Variants in FAM83B observed in about 807,000 individuals in gnomAD.
FAM83B encodes protein FAM83B.
Under a neutral mutation model 38.8 loss-of-function variants are expected in FAM83B, and 26 were observed. The ratio of observed to expected loss-of-function variants is 0.67; its 90% CI spans 0.49 to 0.93. The LOEUF (loss-of-function observed/expected upper bound fraction) is 0.93, where lower values mean the gene tolerates loss of function less well. FAM83B is among the 40% of genes least tolerant of loss of function. The probability of loss-of-function intolerance (pLI) is 0.00; values close to 1 mark genes in which losing one functional copy is unlikely to be tolerated. For synonymous variants in FAM83B, 419 were observed against 423.1 expected (o/e 0.99, Z 0.12); for missense variants, 1,237 against 1,197.3 (o/e 1.03, Z -0.49).
Position 54,866,923 on chromosome 6 carries a change from G to T in FAM83B, c.-60-3264G>T, listed in dbSNP as rs778098805. ...TCCTTTGTATTTATAGAATTTCAGT[G>T]GAATTTCTACTTGATACAAATGACC... On this transcript the variant is annotated intron_variant, in intron 1 of 4. Transcript: ENST00000306858. 1.3e-3 allele frequency among the ~76,000 whole-genome samples: 193 copies of T among 151,970 alleles called. 2 individuals are homozygous for T. Among genetic ancestry groups the T allele is most frequent in the Middle Eastern group, 6.8e-3 (2 of 294 alleles).
intron 2 of FAM83B, among the ~76,000 whole-genome samples, chr6:54,879,195 A>G (rs1210361091): frequency 6.6e-6 from 1 of 152,204 alleles, no homozygotes; most frequent in African/African-American, 2.4e-5. Context: ...GTATCTCTAG[A>G]TGAGGGTTCA....
At chr6:54,916,905 T>C (rs1345871770) in intron 2 of FAM83B, among the ~76,000 whole-genome samples, 2 of 152,218 alleles carry the variant, frequency 1.3e-5, no homozygotes, top group Non-Finnish European at 2.9e-5. Context: ...CAGACCTTGC[T>C]CTCTGCTAAG....
intron 4 of FAM83B, among the ~76,000 whole-genome samples, chr6:54,936,643 T>C (rs559405841): frequency 5.9e-5 from 9 of 151,660 alleles, no homozygotes; most frequent in African/African-American, 2.2e-4. Flanking sequence ...ATGTTTTCTG[T>C]GTTCAACTAG....
At chr6:54,926,317 T>C (rs1773283834) in intron 2 of FAM83B, 54 bp from the exon 3 acceptor site, 2 of 1,255,058 alleles carry the variant, frequency 1.6e-6, no homozygotes, top group South Asian at 3.5e-5. Context: ...AGCAATTTCT[T>C]AAATCTTTCT....
chr6:54,878,031 A>G (rs1204845105), intron 2 of FAM83B, among the ~76,000 whole-genome samples: 2 of 152,218 alleles, frequency 1.3e-5, no homozygotes, highest in African/African-American at 4.8e-5. Context: ...AGGTGCTAGT[A>G]CCCAGAATGT....
At chr6:54,933,392 GT>G (rs930616986) in intron 4 of FAM83B, among the ~76,000 whole-genome samples, 6 of 151,030 alleles carry the variant, frequency 4.0e-5, no homozygotes, top group African/African-American at 1.2e-4. Context: ...TGTTGTTGAT[GT>G]TTTTTTTGTT....
chr6:54,875,764 G>A (rs1032673451), intron 2 of FAM83B, among the ~76,000 whole-genome samples: 1 of 145,326 alleles, frequency 6.9e-6, no homozygotes, highest in Non-Finnish European at 1.6e-5. Flanking sequence ...AGAAAAGAAG[G>A]TGGGAAAGAG....
chr6:54,889,714 G>A (rs1772358402), intron 2 of FAM83B, among the ~76,000 whole-genome samples: 1 of 151,942 alleles, frequency 6.6e-6, no homozygotes, highest in South Asian at 2.1e-4. Context: ...CAGAATCATG[G>A]ACAGAGTGCT....
intron 4 of FAM83B, among the ~76,000 whole-genome samples, chr6:54,932,957 G>A (rs1561929749): frequency 1.3e-5 from 2 of 152,068 alleles, no homozygotes; most frequent in Admixed American, 1.3e-4. Flanking sequence ...ATTTATCCCA[G>A]TTTGAGTTCT....
chr6:54,863,190 C>G (rs893226778), intron 1 of FAM83B, among the ~76,000 whole-genome samples: 1 of 152,122 alleles, frequency 6.6e-6, no homozygotes, highest in African/African-American at 2.4e-5. Context: ...AAAAATGTGT[C>G]CTCTGCTTAA....
intron 1 of FAM83B, among the ~76,000 whole-genome samples, chr6:54,868,482 C>T (rs1481338861): frequency 6.6e-6 from 1 of 152,080 alleles, no homozygotes; most frequent in Non-Finnish European, 1.5e-5. Context: ...TAGGATGTAT[C>T]CCAATACATG....
intron 4 of FAM83B, among the ~76,000 whole-genome samples, chr6:54,931,513 T>A (rs116085476): frequency 0.016 from 2,508 of 152,268 alleles, 66 homozygotes; most frequent in African/African-American, 0.056. Context: ...TTATATCTTC[T>A]TGGTGAATTG....
chr6:54,853,610 T>C (rs1228631206), intron 1 of FAM83B, among the ~76,000 whole-genome samples: 4 of 152,144 alleles, frequency 2.6e-5, no homozygotes, highest in Non-Finnish European at 1.5e-5. Flanking sequence ...TCTACTGACT[T>C]TTTAAGCCTA....
intron 1 of FAM83B, among the ~76,000 whole-genome samples, chr6:54,863,778 T>A (rs1210453146): frequency 6.6e-6 from 1 of 152,224 alleles, no homozygotes; most frequent in Non-Finnish European, 1.5e-5. Context: ...TTTGCCACTT[T>A]GTCACTATTT....
At chr6:54,883,924 C>A (rs1435323073) in intron 2 of FAM83B, among the ~76,000 whole-genome samples, 4 of 151,852 alleles carry the variant, frequency 2.6e-5, no homozygotes, top group Non-Finnish European at 5.9e-5. Flanking sequence ...AATCCCAGGA[C>A]TTTGGGAGGC....
At chr6:54,907,096 A>C (rs995927172) in intron 2 of FAM83B, among the ~76,000 whole-genome samples, 1 of 152,204 alleles carries the variant, frequency 6.6e-6, no homozygotes, top group African/African-American at 2.4e-5. Flanking sequence ...AATACGTGCT[A>C]TGCATCCATT....
chr6:54,851,400 TA>T (rs1164507223), intron 1 of FAM83B, among the ~76,000 whole-genome samples: 2 of 152,124 alleles, frequency 1.3e-5, no homozygotes, highest in Non-Finnish European at 2.9e-5. Flanking sequence ...TCCCATTTCA[TA>T]CTTCTATTTA....
intron 3 of FAM83B, 22 bp downstream of exon 3, chr6:54,926,557 T>G (rs758038253): frequency 4.0e-6 from 6 of 1,504,948 alleles, no homozygotes. Context: ...GTTTTTTTTT[T>G]CCTCAAGTAT....
intron 2 of FAM83B, among the ~76,000 whole-genome samples, chr6:54,897,509 A>G (rs1025290824): frequency 6.6e-6 from 1 of 152,190 alleles, no homozygotes; most frequent in Non-Finnish European, 1.5e-5. Context: ...AATCCTAATA[A>G]CAGTTTCCAT....
Sources: gnomAD v4.1 joint callset for allele counts (sites outside exome capture counted in the v4.1 genomes callset) on GRCh38, gnomAD v4.1.1 for gene constraint, MANE v1.5 for transcripts, NCBI Gene and HGNC (gene_info 2026-07-23, HGNC 2026-07-21) for gene names.